The following MTNAP1 variants were observed in gnomAD, a reference collection of about 807,000 sequenced individuals.
MTNAP1 encodes mitochondrial nucleoid associated protein 1.
the MTNAP1 span, chr17:73,245,252 C>T: frequency 6.3e-7 from 1 of 1,598,854 alleles, no homozygotes; most frequent in Non-Finnish European, 8.5e-7. Flanking sequence ...GAGACGACTG[C>T]AATACATACT....
At chr17:73,248,506 T>C in the MTNAP1 span, 1 of 1,551,694 alleles carries the variant, frequency 6.4e-7, no homozygotes, top group Non-Finnish European at 8.7e-7. Context: ...AGATCTTGCT[T>C]CCAGGCAGCA....
chr17:73,242,485 C>T, the MTNAP1 span: 2,164 of 585,092 alleles, frequency 3.7e-3, 41 homozygotes, highest in African/African-American at 0.037. Context: ...CCTAGTTTTC[C>T]ATTTGTCTGT....
At chr17:73,239,020 C>T in the MTNAP1 span, among the ~76,000 whole-genome samples, 2 of 152,024 alleles carry the variant, frequency 1.3e-5, no homozygotes, top group Non-Finnish European at 2.9e-5. Flanking sequence ...CTTGGCTCAC[C>T]TCTGCCTCCT....
At chr17:73,247,226 A>C in the MTNAP1 span, 103 of 1,609,580 alleles carry the variant, frequency 6.4e-5, no homozygotes, top group Non-Finnish European at 8.3e-5. Flanking sequence ...AATATTTACT[A>C]TCTGGCCTTT....
At chr17:73,245,051 A>T in the MTNAP1 span, 2 of 919,920 alleles carry the variant, frequency 2.2e-6, no homozygotes, top group Non-Finnish European at 3.4e-6. Flanking sequence ...CATTGTGCTT[A>T]ATACTCTATT....
chr17:73,245,631 C>T, the MTNAP1 span: 3 of 985,284 alleles, frequency 3.0e-6, no homozygotes, highest in South Asian at 1.4e-4. Flanking sequence ...AATAAGCCCA[C>T]ATCAGGCCCT....
chr17:73,248,263 A>G, the MTNAP1 span: 17 of 515,790 alleles, frequency 3.3e-5, no homozygotes, highest in Admixed American at 3.2e-4. Flanking sequence ...CGAATAGTAG[A>G]CAAGTAAGAC....
the MTNAP1 span, chr17:73,236,982 A>T: frequency 6.4e-7 from 1 of 1,571,726 alleles, no homozygotes; most frequent in South Asian, 1.1e-5. Context: ...CCCAGGGGGA[A>T]AGACTCTCAC....
the MTNAP1 span, chr17:73,247,554 G>A: frequency 2.0e-6 from 1 of 506,238 alleles, no homozygotes; most frequent in South Asian, 2.5e-5. Flanking sequence ...TAATGAAAAG[G>A]TTTAACTTAG....
At chr17:73,242,296 C>T in the MTNAP1 span, 66 of 1,606,520 alleles carry the variant, frequency 4.1e-5, no homozygotes, top group Admixed American at 1.2e-4. Context: ...AACCCCCTGC[C>T]GGACTTACAA....
At chr17:73,234,583 C>T in the MTNAP1 span, among the ~76,000 whole-genome samples, 1 of 148,574 alleles carries the variant, frequency 6.7e-6, no homozygotes, top group African/African-American at 2.5e-5. Context: ...CCCAGCTCCT[C>T]GGGATGCTGA....
At chr17:73,238,047 T>G in the MTNAP1 span, among the ~76,000 whole-genome samples, 5 of 152,176 alleles carry the variant, frequency 3.3e-5, no homozygotes, top group Admixed American at 3.3e-4. Flanking sequence ...TCACCTTGAT[T>G]ATGAATCAAA....
chr17:73,237,023 C>G, the MTNAP1 span: 8 of 1,507,360 alleles, frequency 5.3e-6, no homozygotes, highest in East Asian at 6.8e-5. Flanking sequence ...CAATTGCCAT[C>G]TGTCCCATCC....
At chr17:73,232,725 C>T in the MTNAP1 span, 2 of 174,496 alleles carry the variant, frequency 1.1e-5, no homozygotes, top group Non-Finnish European at 2.4e-5. Flanking sequence ...GAGGTGAGGA[C>T]GGTGCTCTGT....
the MTNAP1 span, among the ~76,000 whole-genome samples, chr17:73,233,551 A>T: frequency 6.6e-6 from 1 of 152,252 alleles, no homozygotes; most frequent in Non-Finnish European, 1.5e-5. Flanking sequence ...AAAGAAAGAA[A>T]GAATGATGGC....
the MTNAP1 span, among the ~76,000 whole-genome samples, chr17:73,241,220 C>T: frequency 6.6e-6 from 1 of 152,104 alleles, no homozygotes; most frequent in African/African-American, 2.4e-5. Flanking sequence ...TGCAGTGTAG[C>T]GATCTCTGCT....
chr17:73,232,737 G>A, the MTNAP1 span: 1 of 168,220 alleles, frequency 5.9e-6, no homozygotes, highest in East Asian at 1.7e-4. Context: ...GTGCTCTGTG[G>A]GGAGCTTGCA....
At chr17:73,235,417 T>G in the MTNAP1 span, 1 of 1,370,264 alleles carries the variant, frequency 7.3e-7, no homozygotes, top group Non-Finnish European at 9.9e-7. Context: ...AACACATAAG[T>G]AAAATATTGG....
At chr17:73,243,841 T>C in the MTNAP1 span, among the ~76,000 whole-genome samples, 1 of 152,164 alleles carries the variant, frequency 6.6e-6, no homozygotes, top group East Asian at 1.9e-4. Flanking sequence ...CCTTTGTAGC[T>C]TTTTTCCCTT....
Sources: gnomAD v4.1 joint callset for allele counts (sites outside exome capture counted in the v4.1 genomes callset) on GRCh38, gnomAD v4.1.1 for gene constraint, MANE v1.5 for transcripts, NCBI Gene and HGNC (gene_info 2026-07-23, HGNC 2026-07-21) for gene names.